TNR: variants seen among roughly 807,000 people sequenced by gnomAD.
TNR encodes the protein tenascin R.
Under a neutral mutation model 150.4 loss-of-function variants are expected in TNR, and 45 were observed. That is an observed-to-expected ratio of 0.30 (90% CI 0.24 to 0.38). The LOEUF (loss-of-function observed/expected upper bound fraction) is 0.38, where lower values mean the gene tolerates loss of function less well. Among genes scored for constraint, TNR ranks in the 10% least tolerant of loss-of-function variants. The pLI is 1.00. For missense variants in TNR, 1,544 were observed against 1,759.1 expected (o/e 0.88, Z 2.19); for synonymous variants, 687 against 678.4 (o/e 1.01, Z -0.20).
chr1:175,631,896 C>A (rs1214247416), intron 1 of TNR, among the ~76,000 whole-genome samples: 2 of 152,192 alleles, frequency 1.3e-5, no homozygotes, highest in African/African-American at 4.8e-5. Context: ...GCATGTAATG[C>A]TTTTTGACTA....
intron 2 of TNR, among the ~76,000 whole-genome samples, chr1:175,523,852 A>G (rs1659741082): frequency 6.6e-6 from 1 of 152,124 alleles, no homozygotes; most frequent in African/African-American, 2.4e-5. Flanking sequence ...CTCCACTCAA[A>G]GTCTAAATGT....
At chr1:175,579,401 G>T (rs760129407) in intron 1 of TNR, among the ~76,000 whole-genome samples, 1 of 152,114 alleles carries the variant, frequency 6.6e-6, no homozygotes, top group Non-Finnish European at 1.5e-5. Context: ...ATGGAGAGGG[G>T]CTTGAAGTAT....
intron 9 of TNR, among the ~76,000 whole-genome samples, chr1:175,369,404 G>A (rs568458476): frequency 7.9e-5 from 12 of 152,234 alleles, no homozygotes; most frequent in African/African-American, 1.9e-4. Flanking sequence ...TTGTAGTTGC[G>A]TCACCCCAGT....
chr1:175,452,958 G>T (rs1656391699), intron 2 of TNR, among the ~76,000 whole-genome samples: 1 of 152,090 alleles, frequency 6.6e-6, no homozygotes, highest in African/African-American at 2.4e-5. Flanking sequence ...CTTCAGACAG[G>T]GGGCAGCGGG....
intron 2 of TNR, among the ~76,000 whole-genome samples, chr1:175,511,595 A>G (rs558755740): frequency 3.2e-4 from 49 of 152,334 alleles, no homozygotes; most frequent in African/African-American, 1.2e-3. Flanking sequence ...CCTGACTCTC[A>G]TGACTCAAGC....
At chr1:175,533,387 A>G (rs767888824) in intron 1 of TNR, among the ~76,000 whole-genome samples, 1 of 152,206 alleles carries the variant, frequency 6.6e-6, no homozygotes, top group Non-Finnish European at 1.5e-5. Flanking sequence ...CTTTCCTCTC[A>G]GGGTCATGGT....
chr1:175,389,840 T>C (rs1653093983), intron 7 of TNR, among the ~76,000 whole-genome samples: 4 of 152,218 alleles, frequency 2.6e-5, no homozygotes, highest in South Asian at 2.1e-4. Context: ...ACCGGCCTTC[T>C]GGAGGGATTC....
Position 175,709,392 on chromosome 1 carries a change from G to A in TNR, c.-165+33834C>T, listed in dbSNP as rs1164573191. On this transcript the variant is annotated intron_variant, in intron 1 of 22. Coordinates refer to ENST00000367674, the MANE Select transcript of TNR (RefSeq NM_003285.3). The stretch of plus-strand genomic sequence containing the variant: ...GAATTTATTCAAAATGCTGTCTAGG[G>A]CACATTCTCTACCTTTGCTTCAAAC... Among the ~76,000 whole-genome samples the A allele has an allele frequency of 2.0e-5, 3 of 151,756 alleles. No individual in the cohort carries two copies. In the East Asian group the frequency reaches 5.8e-4, roughly 29 times the overall value.
chr1:175,347,374 A>G (rs1650844559), intron 18 of TNR, among the ~76,000 whole-genome samples: 1 of 152,022 alleles, frequency 6.6e-6, no homozygotes, highest in South Asian at 2.1e-4. Flanking sequence ...CCAATTATAT[A>G]TTTTCTTTAT....
rs1648805450 is a variant in TNR at position 175,315,407 on chromosome 1, G to A, written c.*7950C>T. On this transcript the variant is annotated 3_prime_UTR_variant, in exon 23 of 23. Transcript: ENST00000367674. ...TTTATTTTTATTTTAGCTAATTAAA[G>A]TGTGCATCGTCTGAGGAGTATGTAC... 2 of 152,052 alleles carry A rather than the reference G, an allele frequency of 1.3e-5. No homozygotes were observed. Among genetic ancestry groups the A allele is most frequent in the South Asian group, 2.1e-4 (1 of 4,818 alleles). The allele number at this position is 152,052 out of a possible 1,614,324, so 9.4% of individuals were successfully genotyped here.
chr1:175,675,754 G>T (rs1425030232), intron 1 of TNR, among the ~76,000 whole-genome samples: 1 of 152,172 alleles, frequency 6.6e-6, no homozygotes, highest in Non-Finnish European at 1.5e-5. Flanking sequence ...CTAAGTGTCT[G>T]CTTTCTGGGT....
chr1:175,661,035 G>C (rs1472664449), intron 1 of TNR, among the ~76,000 whole-genome samples: 1 of 152,226 alleles, frequency 6.6e-6, no homozygotes, highest in African/African-American at 2.4e-5. Flanking sequence ...ATGATGCTCA[G>C]AGTTCTTGGG....
intron 2 of TNR, among the ~76,000 whole-genome samples, chr1:175,508,504 A>G (rs893952368): frequency 6.6e-6 from 1 of 152,208 alleles, no homozygotes; most frequent in African/African-American, 2.4e-5. Flanking sequence ...AGACCAGGTC[A>G]CTTTTAAGAC....
At chr1:175,391,168 G>A (rs1331900467) in intron 7 of TNR, 120 bp downstream of exon 7, 2 of 1,296,082 alleles carry the variant, frequency 1.5e-6, no homozygotes, top group Non-Finnish European at 1.1e-6. Context: ...TACCAGAATT[G>A]TCCCAGCTCT....
In TNR at chr1:175,321,732, C is replaced by G. The variant is rs1649064304; in HGVS notation, c.*1625G>C. 6.6e-6 allele frequency: 1 copy of G among 152,088 alleles called. No homozygotes were observed. Among genetic ancestry groups the G allele is most frequent in the Admixed American group, 6.5e-5 (1 of 15,270 alleles). The allele number at this position is 152,088 out of a possible 1,614,324, so 9.4% of individuals were successfully genotyped here. On this transcript the variant is annotated 3_prime_UTR_variant, in exon 23 of 23. Coordinates refer to ENST00000367674, the MANE Select transcript of TNR (RefSeq NM_003285.3). ...TGGGAAGTAGGCCCACAGTTATCAC[C>G]TATTCACCTTTGGATTTCTGGATGT...
chr1:175,498,311 G>A (rs1658575761), intron 2 of TNR, among the ~76,000 whole-genome samples: 1 of 152,190 alleles, frequency 6.6e-6, no homozygotes. Context: ...TGGGATATGA[G>A]CCTGAGTGGT....
At chr1:175,437,086 A>C (rs1655547899) in intron 2 of TNR, among the ~76,000 whole-genome samples, 1 of 152,236 alleles carries the variant, frequency 6.6e-6, no homozygotes, top group Non-Finnish European at 1.5e-5. Flanking sequence ...TCTTCTCAGC[A>C]CCACACCACA....
At chr1:175,390,596 C>T (rs1191943702) in intron 7 of TNR, among the ~76,000 whole-genome samples, 1 of 152,144 alleles carries the variant, frequency 6.6e-6, no homozygotes, top group African/African-American at 2.4e-5. Context: ...ATGAATCAAT[C>T]CTGGAAATAT....
In TNR at chr1:175,386,639, G is replaced by C. The variant is rs1043315564; in HGVS notation, c.1508-338C>G. Among the ~76,000 whole-genome samples, 3 of 86,426 alleles carry C rather than the reference G, an allele frequency of 3.5e-5. No individual in the cohort carries two copies. In the East Asian group the frequency reaches 1.7e-3, roughly 50 times the overall value. The allele number at this position is 86,426 out of a possible 152,430, so 56.7% of individuals were successfully genotyped here. ...TCTGGAGGTCATGGGACAGGGAATTGAGAACTGGGTTTCTGGCGTGTGTCT... is the reference window on the plus strand; with the variant it reads ...TCTGGAGGTCATGGGACAGGGAATTCAGAACTGGGTTTCTGGCGTGTGTCT... On this transcript the variant is annotated intron_variant, in intron 7 of 22. Coordinates refer to ENST00000367674, the MANE Select transcript of TNR (RefSeq NM_003285.3).
Sources: allele counts gnomAD v4.1 joint callset (sites outside exome capture counted in the v4.1 genomes callset), GRCh38; gene constraint gnomAD v4.1.1; transcripts MANE v1.5; gene names NCBI Gene and HGNC (gene_info 2026-07-23, HGNC 2026-07-21).